Variants in PCDHGA7 observed in about 807,000 individuals in gnomAD.
PCDHGA7 encodes protocadherin gamma subfamily A, 7.
In PCDHGA7, 44 loss-of-function variants were observed where a neutral mutation model predicts 58.3. That is an observed-to-expected ratio of 0.75 (90% CI 0.59 to 0.97). PCDHGA7 has a LOEUF of 0.97. Among genes scored for constraint, PCDHGA7 ranks in the 50% least tolerant of loss-of-function variants. The probability of loss-of-function intolerance (pLI) is 0.00; values close to 1 mark genes in which losing one functional copy is unlikely to be tolerated. For synonymous variants in PCDHGA7, 516 were observed against 504.2 expected, an observed-to-expected ratio of 1.02 and a Z score of -0.31; for missense variants, 1,266 against 1,188.7, an observed-to-expected ratio of 1.06 and a Z score of -0.96.
chr5:141,494,807 C>A lies in PCDHGA7; in HGVS notation c.2425C>A (p.Gln809Lys), dbSNP rs568448786. Residue 809 changes from glutamine to lysine, a missense_variant and splice_region_variant, in exon 2 of 4, where the codon CAA (glutamine) becomes AAA (lysine). Coordinates refer to ENST00000518325, the MANE Select transcript of PCDHGA7 (RefSeq NM_018920.4). ...CCCTTTCCCTCTGTTTTCTCCACAGCAAGCCCCGCCCAACACGGACTGGCG... is the reference window on the plus strand; with the variant it reads ...CCCTTTCCCTCTGTTTTCTCCACAGAAAGCCCCGCCCAACACGGACTGGCG... ...ECKENLPSIQ[Q>K]APPNTDWRFS... The A allele has an allele frequency of 2.5e-5, 40 of 1,614,144 alleles. No individual in the cohort carries two copies. The South Asian group carries it at 4.0e-4, about 16-fold the overall frequency.
chr5:141,458,350 A>C (rs1259508706), intron 1 of PCDHGA7, among the ~76,000 whole-genome samples: 1 of 152,162 alleles, frequency 6.6e-6, no homozygotes, highest in East Asian at 1.9e-4. Flanking sequence ...GGAGAGTTTA[A>C]TAAGCAAGAA....
rs542548063 is a variant in PCDHGA7, at chr5:141,412,999, C to T, written c.2424+27676C>T. On this transcript the variant is annotated intron_variant, in intron 1 of 3. Coordinates refer to ENST00000518325, the MANE Select transcript of PCDHGA7 (RefSeq NM_018920.4). Reference sequence around the variant, plus strand: ...GCAGCCAGAGCTCAATCCGGATTCTCAGGGCTTCAACTACACAAGCCCCAC... The same window carrying T: ...GCAGCCAGAGCTCAATCCGGATTCTTAGGGCTTCAACTACACAAGCCCCAC... 150 of 588,234 alleles carry T rather than the reference C, an allele frequency of 2.6e-4. 1 individual carries two copies. In the South Asian group the frequency reaches 3.6e-3, roughly 14 times the overall value. 36.4% of individuals were successfully genotyped at this position (588,234 alleles called of 1,614,324 possible). A position where few individuals can be genotyped will look rare whatever the true frequency, so the allele number is the denominator to read the frequency against.
Position 141,486,388 on chromosome 5 carries a change from C to T in PCDHGA7, c.2425-8419C>T, listed in dbSNP as rs2099628930. ...TCAAGTCTGCCTTCAGGAACCAGTT[C>T]TCCCTGGTGACTGCTGGACCCTTGG... On this transcript the variant is annotated intron_variant, in intron 1 of 3. Coordinates refer to ENST00000518325, the MANE Select transcript of PCDHGA7 (RefSeq NM_018920.4). This position sits in a 1 kb window ranked among gnomAD's most constrained non-coding sequence, Gnocchi z 5.0. 2 of 1,613,988 alleles carry T rather than the reference C, an allele frequency of 1.2e-6. No individual in the cohort carries two copies. The highest frequency in any genetic ancestry group is 2.7e-5 in the African/African-American group (2 of 74,924).
Position 141,485,495 on chromosome 5 carries a change from T to C in PCDHGA7, c.2425-9312T>C. 1 of 1,613,494 alleles carries C rather than the reference T, an allele frequency of 6.2e-7. No homozygotes were observed. Among genetic ancestry groups the C allele is most frequent in the African/African-American group, 1.3e-5 (1 of 74,780 alleles). On this transcript the variant is annotated intron_variant, in intron 1 of 3. Coordinates refer to ENST00000518325, the MANE Select transcript of PCDHGA7 (RefSeq NM_018920.4). This position sits in a 1 kb window ranked among gnomAD's most constrained non-coding sequence, Gnocchi z 5.7. ...TGCCAGCTGCATCGTGCCCCTGGAG[T>C]TTGTCACCGAAGGTCCTTTGGAAAT...
intron 1 of PCDHGA7, chr5:141,418,939 C>G: frequency 6.2e-7 from 1 of 1,613,760 alleles, no homozygotes; most frequent in Non-Finnish European, 8.5e-7. Context: ...TGGAGGATTC[C>G]CCTCCAGGAG....
intron 1 of PCDHGA7, chr5:141,404,968 G>A: frequency 6.2e-7 from 1 of 1,613,964 alleles, no homozygotes. Context: ...CAGACATCCT[G>A]GCTGACCTGG....
At position 141,486,811 on chromosome 5, in the gene PCDHGA7, C is replaced by A. The variant is rs2099635196; in HGVS notation, c.2425-7996C>A. On this transcript the variant is annotated intron_variant, in intron 1 of 3. Coordinates refer to ENST00000518325, the MANE Select transcript of PCDHGA7 (RefSeq NM_018920.4). The surrounding 1 kb of genome is among the most constrained non-coding windows in gnomAD (Gnocchi z 5.0). ...GGGATCGGGGCAACCCACCCCTTAG[C>A]AGCACTGTAACAGTTCGTCTATTTG... The A allele has an allele frequency of 1.2e-6, 2 of 1,614,124 alleles. No homozygotes were observed. The highest frequency in any genetic ancestry group is 2.2e-5 in the East Asian group (1 of 44,900).
chr5:141,390,500 C>G (rs2092162714), intron 1 of PCDHGA7: 3 of 614,492 alleles, frequency 4.9e-6, no homozygotes, highest in Non-Finnish European at 8.3e-6. Context: ...TTTAGCCAAG[C>G]TTAGATTTAT....
At chr5:141,403,724 G>A (rs373210176) in intron 1 of PCDHGA7, 2 of 1,613,924 alleles carry the variant, frequency 1.2e-6, no homozygotes, top group Non-Finnish European at 1.7e-6. Flanking sequence ...CGTGCCCCCA[G>A]GCACCTGGCT....
At chr5:141,413,827 G>A (rs2154544774) in intron 1 of PCDHGA7, 1 of 1,613,200 alleles carries the variant, frequency 6.2e-7, no homozygotes. Context: ...GGTCCTCACC[G>A]CCTCCGACGG....
At position 141,477,020 on chromosome 5, in the gene PCDHGA7, G is replaced by A; in HGVS notation, c.2425-17787G>A. The A allele has an allele frequency of 6.2e-7, 1 of 1,614,224 alleles. No individual in the cohort carries two copies. Among genetic ancestry groups the A allele is most frequent in the Non-Finnish European group, 8.5e-7 (1 of 1,180,048 alleles). ...ACTATTCGCCTTAGACCTTGTAACC[G>A]GGATGCTGACAATCAAGGGTCGGCT... On this transcript the variant is annotated intron_variant, in intron 1 of 3. Transcript: ENST00000518325. This position sits in a 1 kb window ranked among gnomAD's most constrained non-coding sequence, Gnocchi z 4.9.
chr5:141,390,509 A>G, intron 1 of PCDHGA7: 1 of 590,022 alleles, frequency 1.7e-6, no homozygotes, highest in Non-Finnish European at 2.9e-6. Flanking sequence ...GCTTAGATTT[A>G]TAAAGCAATG....
chr5:141,392,597 C>G (rs761805266), intron 1 of PCDHGA7: 11 of 501,346 alleles, frequency 2.2e-5, no homozygotes, highest in Non-Finnish European at 3.8e-5. Context: ...TGTTCACCTA[C>G]TGGAAGACAA....
At chr5:141,458,100 A>AT (rs2098937418) in intron 1 of PCDHGA7, among the ~76,000 whole-genome samples, 1 of 152,252 alleles carries the variant, frequency 6.6e-6, no homozygotes, top group Non-Finnish European at 1.5e-5. Context: ...GAGTACTTAC[A>AT]GATAGTCTCC....
At chr5:141,414,239 C>T in intron 1 of PCDHGA7, 1 of 1,613,498 alleles carries the variant, frequency 6.2e-7, no homozygotes, top group Non-Finnish European at 8.5e-7. Context: ...ACCATCACGT[C>T]TCTATTTAGT....
At chr5:141,407,336 G>C (rs1005803062) in intron 1 of PCDHGA7, among the ~76,000 whole-genome samples, 1 of 152,124 alleles carries the variant, frequency 6.6e-6, no homozygotes, top group South Asian at 2.1e-4. Context: ...ATATTGAAAT[G>C]TATGTTAATT....
At chr5:141,500,012 A>G (rs2099795840) in intron 2 of PCDHGA7, among the ~76,000 whole-genome samples, 1 of 151,622 alleles carries the variant, frequency 6.6e-6, no homozygotes, top group Non-Finnish European at 1.5e-5. Flanking sequence ...TAAGGTCCAC[A>G]TTTTATATTT....
At chr5:141,400,638 T>A in intron 1 of PCDHGA7, 1 of 1,325,472 alleles carries the variant, frequency 7.5e-7, no homozygotes, top group Non-Finnish European at 1.1e-6. Flanking sequence ...TCAGAGCTGC[T>A]CAGAAAGCTG....
At chr5:141,388,261 T>C in intron 1 of PCDHGA7, 1 of 1,611,348 alleles carries the variant, frequency 6.2e-7, no homozygotes. Flanking sequence ...ATCGAGGACA[T>C]TAATGACCAC....
Sources: allele counts gnomAD v4.1 joint callset (sites outside exome capture counted in the v4.1 genomes callset), GRCh38; gene constraint gnomAD v4.1.1; non-coding constraint Gnocchi (gnomAD v3.1); transcripts MANE v1.5; gene names NCBI Gene and HGNC (gene_info 2026-07-23, HGNC 2026-07-21).